The following APBA2 variants were observed in gnomAD, a reference collection of about 807,000 sequenced individuals.
APBA2 encodes the protein amyloid beta precursor protein binding family A member 2, also known as amyloid-beta A4 precursor protein-binding family A member 2.
APBA2 carries 30 observed loss-of-function variants against 75.0 expected under a neutral mutation model. That is an observed-to-expected ratio of 0.40 (90% CI 0.30 to 0.54). The LOEUF (loss-of-function observed/expected upper bound fraction) is 0.54. APBA2 is among the 20% of genes least tolerant of loss of function. APBA2 has a pLI of 0.49. For missense variants in APBA2, 801 were observed against 1,016.1 expected (o/e 0.79, Z 2.88); for synonymous variants, 444 against 409.6 (o/e 1.08, Z -1.01).
At chr15:28,902,858 G>A (rs748676669) in intron 1 of APBA2, among the ~76,000 whole-genome samples, 2 of 152,056 alleles carry the variant, frequency 1.3e-5, no homozygotes, top group African/African-American at 4.8e-5. Flanking sequence ...CATCCTTTTC[G>A]GTTCCTCTTT....
chr15:29,117,496 C>G lies in APBA2; in HGVS notation c.*363C>G. Reference sequence around the variant, plus strand: ...AGCGAACTGGCGCCTCCGAGGGACGCGGCTCCCGGGGCAGGGCAGCCGTCA... The same window carrying G: ...AGCGAACTGGCGCCTCCGAGGGACGGGGCTCCCGGGGCAGGGCAGCCGTCA... On this transcript the variant is annotated 3_prime_UTR_variant, in exon 15 of 15. Transcript: ENST00000683413. The G allele has an allele frequency of 6.8e-6, 2 of 295,204 alleles. No homozygotes were observed. Among genetic ancestry groups the G allele is most frequent in the Non-Finnish European group, 1.3e-5 (2 of 154,392 alleles). The allele number at this position is 295,204 out of a possible 1,614,324, so 18.3% of individuals were successfully genotyped here.
intron 1 of APBA2, among the ~76,000 whole-genome samples, chr15:28,896,680 G>T (rs1595402956): frequency 6.6e-6 from 1 of 152,206 alleles, no homozygotes; most frequent in South Asian, 2.1e-4. Flanking sequence ...TGGTGTGGGG[G>T]CAGTGCCTGA....
intron 3 of APBA2, among the ~76,000 whole-genome samples, chr15:29,014,494 T>G (rs1317444065): frequency 6.6e-6 from 1 of 152,204 alleles, no homozygotes; most frequent in Non-Finnish European, 1.5e-5. Flanking sequence ...TAAATTTAAT[T>G]TAAATGAATT....
intron 6 of APBA2, among the ~76,000 whole-genome samples, chr15:29,078,240 G>A (rs753866514): frequency 3.9e-5 from 6 of 152,036 alleles, no homozygotes; most frequent in Non-Finnish European, 7.3e-5. Context: ...ATTGCAATGA[G>A]CCAAGATCAC....
At chr15:29,097,674 A>T (rs1425116449) in intron 8 of APBA2, among the ~76,000 whole-genome samples, 1 of 152,242 alleles carries the variant, frequency 6.6e-6, no homozygotes, top group Non-Finnish European at 1.5e-5. Context: ...TAATGAGAAC[A>T]CTTCATTCAC....
chr15:29,016,054 C>G (rs1314231961), intron 3 of APBA2, among the ~76,000 whole-genome samples: 1 of 152,218 alleles, frequency 6.6e-6, no homozygotes, highest in Admixed American at 6.5e-5. Flanking sequence ...GTCAAGAGAT[C>G]GAGACCATCC....
In APBA2 at chr15:29,118,030, T is replaced by TG. The variant is rs1163861576; in HGVS notation, c.*899dup. 1 of 152,566 alleles carries TG rather than the reference T, an allele frequency of 6.6e-6. No homozygotes were observed. Among genetic ancestry groups the TG allele is most frequent in the Non-Finnish European group, 1.5e-5 (1 of 68,086 alleles). 9.5% of individuals were successfully genotyped at this position (152,566 alleles called of 1,614,324 possible). ...CAGCCAGCCGTGAGTGCAGACCCCT[T>TG]GGCCAGCGTGGCGCAGTGGCCCTGA... On this transcript the variant is annotated 3_prime_UTR_variant, in exon 15 of 15. Transcript: ENST00000683413.
intron 3 of APBA2, among the ~76,000 whole-genome samples, chr15:29,014,099 A>C (rs914396592): frequency 6.6e-6 from 1 of 152,244 alleles, no homozygotes; most frequent in Admixed American, 6.5e-5. Flanking sequence ...AGGGTTGAAA[A>C]GAGCCAGATC....
Position 29,106,642 on chromosome 15 carries a change from C to A in APBA2, c.1740C>A (p.Gly580=). ...AGAAGCACAAGGGCGAGATCCTGGG[C>A]GTGGTGGTGGTGGAGTCGGGCTGGG... ...QLEKHKGEIL[G]VVVVESGWGS... is the part of the protein sequence containing the mutation. Residue 580 remains glycine, a synonymous_variant, in exon 12 of 15, where the codon GGC becomes GGA. Coordinates refer to ENST00000683413, the MANE Select transcript of APBA2 (RefSeq NM_001353788.2). 1 of 1,613,136 alleles carries A rather than the reference C, an allele frequency of 6.2e-7. No individual in the cohort carries two copies. The highest frequency in any genetic ancestry group is 2.2e-5 in the East Asian group (1 of 44,874).
chr15:29,091,298 A>G (rs2043559809), intron 6 of APBA2, among the ~76,000 whole-genome samples: 1 of 152,024 alleles, frequency 6.6e-6, no homozygotes, highest in African/African-American at 2.4e-5. Flanking sequence ...GTGGGGAGAG[A>G]CGGCTGGGAG....
At chr15:29,078,521 G>A (rs1452594920) in intron 6 of APBA2, among the ~76,000 whole-genome samples, 1 of 149,814 alleles carries the variant, frequency 6.7e-6, no homozygotes, top group Non-Finnish European at 1.5e-5. Flanking sequence ...TGAGGCAGGA[G>A]AATCACTTGA....
intron 3 of APBA2, among the ~76,000 whole-genome samples, chr15:29,022,521 A>G (rs2152831888): frequency 6.6e-6 from 1 of 152,284 alleles, no homozygotes; most frequent in African/African-American, 2.4e-5. Flanking sequence ...ATATATATAT[A>G]GCTTTTAAAA....
intron 6 of APBA2, among the ~76,000 whole-genome samples, chr15:29,082,916 A>T (rs2043142444): frequency 6.6e-6 from 1 of 152,004 alleles, no homozygotes; most frequent in African/African-American, 2.4e-5. Context: ...CAAAAAATAA[A>T]CTGAGCGCAG....
chr15:28,947,098 G>A (rs906267205), intron 2 of APBA2, among the ~76,000 whole-genome samples: 1 of 152,322 alleles, frequency 6.6e-6, no homozygotes, highest in South Asian at 2.1e-4. Flanking sequence ...TTCCTGGAGA[G>A]CAGGAGCTGA....
intron 1 of APBA2, among the ~76,000 whole-genome samples, chr15:28,906,131 C>T (rs1354741803): frequency 6.6e-6 from 1 of 152,096 alleles, no homozygotes; most frequent in African/African-American, 2.4e-5. Flanking sequence ...GCAGTTCGAT[C>T]CCCCAGCCGT....
At chr15:28,902,296 A>C (rs151202765) in intron 1 of APBA2, among the ~76,000 whole-genome samples, 7,960 of 152,142 alleles carry the variant, frequency 0.052, 717 homozygotes, top group African/African-American at 0.18. Context: ...TCCTCCCCCA[A>C]ATCCGTTACC....
chr15:28,978,953 A>G (rs1447987165), intron 2 of APBA2, among the ~76,000 whole-genome samples: 1 of 152,242 alleles, frequency 6.6e-6, no homozygotes, highest in Non-Finnish European at 1.5e-5. Flanking sequence ...GTCAGGGGAC[A>G]AGAAGTTCTT....
At chr15:29,034,331 A>G (rs1334231561) in intron 3 of APBA2, among the ~76,000 whole-genome samples, 2 of 152,142 alleles carry the variant, frequency 1.3e-5, no homozygotes, top group African/African-American at 4.8e-5. Context: ...ACCAACCTCC[A>G]TCCTGAGTCA....
At chr15:29,098,620 G>A in intron 9 of APBA2, 44 bp downstream of exon 9, 9 of 1,483,582 alleles carry the variant, frequency 6.1e-6, no homozygotes, top group Non-Finnish European at 8.5e-6. Flanking sequence ...AAACTCCTAA[G>A]TTCGACTCCT....
Sources: gnomAD v4.1 joint callset for allele counts (sites outside exome capture counted in the v4.1 genomes callset) on GRCh38, gnomAD v4.1.1 for gene constraint, MANE v1.5 for transcripts, NCBI Gene and HGNC (gene_info 2026-07-23, HGNC 2026-07-21) for gene names.